Variants in FBXW7 observed in about 807,000 individuals in gnomAD.
FBXW7 encodes the protein F-box/WD repeat-containing protein 7.
FBXW7 carries 11 observed loss-of-function variants against 86.3 expected under a neutral mutation model. The observed-to-expected ratio is 0.13, with a 90% confidence interval of 0.08 to 0.21. FBXW7 has a LOEUF of 0.21. FBXW7 is among the 10% of genes least tolerant of loss of function. The pLI is 1.00. For synonymous variants in FBXW7, 313 were observed against 297.9 expected (o/e 1.05, Z -0.52); for missense variants, 488 against 847.4 (o/e 0.58, Z 5.27).
At chr4:152,420,631 T>G (rs2126914103) in intron 2 of FBXW7, among the ~76,000 whole-genome samples, 1 of 152,338 alleles carries the variant, frequency 6.6e-6, no homozygotes, top group African/African-American at 2.4e-5. Context: ...GATGTTATTA[T>G]GTTTATCAAG....
intron 2 of FBXW7, among the ~76,000 whole-genome samples, chr4:152,427,744 TGA>T (rs1346607729): frequency 6.6e-6 from 1 of 152,214 alleles, no homozygotes; most frequent in Non-Finnish European, 1.5e-5. Flanking sequence ...TTCTATCTGT[TGA>T]GACTTACTGT....
chr4:152,482,692 TG>T (rs1468549681), intron 2 of FBXW7, among the ~76,000 whole-genome samples: 2 of 152,014 alleles, frequency 1.3e-5, no homozygotes, highest in African/African-American at 4.8e-5. Flanking sequence ...CAGAACAGGG[TG>T]GGGGGAGAGA....
chr4:152,470,509 T>C (rs980319947), intron 2 of FBXW7, among the ~76,000 whole-genome samples: 4 of 152,102 alleles, frequency 2.6e-5, no homozygotes, highest in African/African-American at 9.7e-5. Context: ...TATTAAAAAA[T>C]TAACATGAGG....
At chr4:152,469,746 C>T (rs1743783093) in intron 2 of FBXW7, among the ~76,000 whole-genome samples, 1 of 152,020 alleles carries the variant, frequency 6.6e-6, no homozygotes, top group Non-Finnish European at 1.5e-5. Context: ...GAAAGAATCT[C>T]TGGACACAAC....
intron 2 of FBXW7, among the ~76,000 whole-genome samples, chr4:152,503,271 C>T (rs910914786): frequency 6.6e-6 from 1 of 151,800 alleles, no homozygotes; most frequent in African/African-American, 2.4e-5. Context: ...GAGACACTAC[C>T]TTATTAAATT....
At chr4:152,458,910 TAAAC>T (rs908086940) in intron 2 of FBXW7, among the ~76,000 whole-genome samples, 1 of 152,062 alleles carries the variant, frequency 6.6e-6, no homozygotes, top group African/African-American at 2.4e-5. Context: ...AAGAGATAAA[TAAAC>T]AATTCAATTT....
At position 152,347,009 on chromosome 4, in the gene FBXW7, T is replaced by C. The variant is rs746085490; in HGVS notation, c.647A>G (p.Asn216Ser). Residue 216 changes from asparagine (N) to serine (S), a missense_variant, in exon 6 of 14, where the codon AAT (asparagine) becomes AGT (serine). Around this residue, in one of 4 missense-constraint regions of FBXW7, gnomAD observed 59 missense variants for 137.9 expected, o/e 0.43. Coordinates refer to ENST00000281708, the MANE Select transcript of FBXW7 (RefSeq NM_001349798.2). ...PTTFGDLRAANGQGQQRRRIT... is the reference protein window; with the variant it reads ...PTTFGDLRAASGQGQQRRRIT... ...TCGGCGTCGTTGTTGCCCTTGGCCA[T>C]TGGCTGCTCTGAGGTCCCCAAAAGT... The C allele has an allele frequency of 1.2e-6, 2 of 1,613,572 alleles. No individual in the cohort carries two copies. The highest frequency in any genetic ancestry group is 1.7e-6 in the Non-Finnish European group (2 of 1,179,830).
intron 4 of FBXW7, among the ~76,000 whole-genome samples, chr4:152,407,595 G>T (rs906726815): frequency 2.6e-5 from 4 of 152,170 alleles, no homozygotes; most frequent in Non-Finnish European, 5.9e-5. Flanking sequence ...GGTGGTTGGA[G>T]AATGGCGGAC....
At chr4:152,338,032 A>T in intron 6 of FBXW7, 96 bp from the exon 7 acceptor site, 1 of 1,306,698 alleles carries the variant, frequency 7.7e-7, no homozygotes, top group Non-Finnish European at 1.0e-6. Flanking sequence ...ACCATAGTTG[A>T]TCAGGGTAGA....
At chr4:152,484,057 C>T (rs145228975) in intron 2 of FBXW7, among the ~76,000 whole-genome samples, 7 of 152,262 alleles carry the variant, frequency 4.6e-5, no homozygotes, top group Non-Finnish European at 8.8e-5. Flanking sequence ...ATAGAGTCTA[C>T]ATGCAACACT....
At chr4:152,385,488 G>A (rs1228802325) in intron 4 of FBXW7, among the ~76,000 whole-genome samples, 1 of 151,768 alleles carries the variant, frequency 6.6e-6, no homozygotes, top group Non-Finnish European at 1.5e-5. Flanking sequence ...TGATCCTAAC[G>A]GGGGGAAAAA....
At chr4:152,515,589 TAAG>T (rs901900211) in intron 2 of FBXW7, among the ~76,000 whole-genome samples, 6 of 152,192 alleles carry the variant, frequency 3.9e-5, no homozygotes, top group Admixed American at 1.3e-4. Context: ...AGTAGTACAA[TAAG>T]AAGTCACGCT....
At chr4:152,533,172 A>G (rs1227305533) in intron 2 of FBXW7, among the ~76,000 whole-genome samples, 1 of 151,718 alleles carries the variant, frequency 6.6e-6, no homozygotes. Flanking sequence ...CCTGGGTGAC[A>G]GAGCAAGACT....
chr4:152,368,739 T>C (rs1579012546), intron 4 of FBXW7, among the ~76,000 whole-genome samples: 1 of 152,122 alleles, frequency 6.6e-6, no homozygotes, highest in East Asian at 1.9e-4. Flanking sequence ...ACATAATATG[T>C]AAATCAATAA....
At chr4:152,434,361 T>C (rs1740188256) in intron 2 of FBXW7, among the ~76,000 whole-genome samples, 1 of 152,214 alleles carries the variant, frequency 6.6e-6, no homozygotes. Context: ...AAAGTAGAAG[T>C]AGTTTTTGCT....
chr4:152,506,154 C>G (rs928914458), intron 2 of FBXW7, among the ~76,000 whole-genome samples: 1 of 151,158 alleles, frequency 6.6e-6, no homozygotes, highest in Non-Finnish European at 1.5e-5. Flanking sequence ...TTTTTTGAGA[C>G]GGAGTCTTGC....
rs200795248 is a variant in FBXW7 at position 152,359,613 on chromosome 4, AAAAACAAAAC to A, written c.502-9499_502-9490del. Among the ~76,000 whole-genome samples the A allele has an allele frequency of 9.4e-4, 143 of 152,046 alleles. 1 individual carries two copies. The highest frequency in any genetic ancestry group is 3.4e-3 in the Middle Eastern group (1 of 294). ...CAAAAACAAACAAACAAAAACTACCAAAAACAAAACAAAACAAAACAAAACAACAACAAAA... is the reference window on the plus strand; with the variant it reads ...CAAAAACAAACAAACAAAAACTACCAAAAACAAAACAAAACAACAACAAAA... On this transcript the variant is annotated intron_variant, in intron 4 of 13. Transcript: ENST00000281708.
Position 152,466,366 on chromosome 4 carries a change from C to T in FBXW7, c.-119-53837G>A, listed in dbSNP as rs1743439108. Among the ~76,000 whole-genome samples, 2 of 151,596 alleles carry T rather than the reference C, an allele frequency of 1.3e-5. 1 individual carries two copies. Among genetic ancestry groups the T allele is most frequent in the South Asian group, 4.2e-4 (2 of 4,812 alleles). ...GGTCAGGAGTTTGAGACCAGCCTGA[C>T]CAACATGGTGAAACCCCGTCTCTTC... is the stretch of plus-strand genomic sequence containing the variant. On this transcript the variant is annotated intron_variant, in intron 2 of 13. Coordinates refer to ENST00000281708, the MANE Select transcript of FBXW7 (RefSeq NM_001349798.2).
chr4:152,509,318 G>A (rs1747743557), intron 2 of FBXW7, among the ~76,000 whole-genome samples: 8 of 152,086 alleles, frequency 5.3e-5, no homozygotes, highest in Admixed American at 4.6e-4. Flanking sequence ...CTTGAATGAA[G>A]GGCATATGAG....
Sources: gnomAD v4.1 joint callset for allele counts (sites outside exome capture counted in the v4.1 genomes callset) on GRCh38, gnomAD v4.1.1 for gene constraint, gnomAD v4.1.1 regional missense constraint, MANE v1.5 for transcripts, NCBI Gene and HGNC (gene_info 2026-07-23, HGNC 2026-07-21) for gene names.